GLIS1: variants seen among roughly 807,000 people sequenced by gnomAD.
The protein encoded by GLIS1 is zinc finger protein GLIS1.
Under a neutral mutation model 63.8 loss-of-function variants are expected in GLIS1, and 24 were observed. The observed-to-expected ratio is 0.38, with a 90% CI of 0.27 to 0.53. The LOEUF (loss-of-function observed/expected upper bound fraction) is 0.53. Among genes scored for constraint, GLIS1 ranks in the 20% least tolerant of loss-of-function variants. GLIS1 has a pLI of 0.85. For missense variants in GLIS1, 1,036 were observed against 1,074.1 expected, an observed-to-expected ratio of 0.96 and a Z score of 0.50; for synonymous variants, 450 against 482.5, an observed-to-expected ratio of 0.93 and a Z score of 0.88.
At chr1:53,608,393 T>G (rs1303112353) in intron 2 of GLIS1, among the ~76,000 whole-genome samples, 2 of 152,232 alleles carry the variant, frequency 1.3e-5, no homozygotes, top group Non-Finnish European at 2.9e-5. Flanking sequence ...GGTTTCAACA[T>G]ATGAATTTGA....
Position 53,511,791 on chromosome 1 carries a change from G to T in GLIS1, c.1884-1764C>A, listed in dbSNP as rs1644300736. Among the ~76,000 whole-genome samples, 1 of 152,160 alleles carries T rather than the reference G, an allele frequency of 6.6e-6. No homozygotes were observed. The highest frequency in any genetic ancestry group is 1.5e-5 in the Non-Finnish European group (1 of 68,026). ...CTGAAGCTGGGCTGGGGCCTGGCCG[G>T]AGAGTGGCTCCTCCTTCCTGCAGGC... On this transcript the variant is annotated intron_variant, in intron 8 of 10. Transcript: ENST00000628545. This position sits in a 1 kb window ranked among gnomAD's most constrained non-coding sequence, Gnocchi z 4.2.
At chr1:53,590,969 G>A (rs376769563) in intron 4 of GLIS1, among the ~76,000 whole-genome samples, 4 of 152,210 alleles carry the variant, frequency 2.6e-5, no homozygotes, top group African/African-American at 9.6e-5. Flanking sequence ...TGCGAGAATG[G>A]GAGTGTTCCA....
chr1:53,525,491 G>A, intron 5 of GLIS1, among the ~76,000 whole-genome samples: 1 of 40,740 alleles, frequency 2.5e-5, no homozygotes, highest in East Asian at 7.9e-4. Flanking sequence ...AGTCTGGCGG[G>A]GCTGGGGGCT....
At chr1:53,655,485 T>C (rs930867216) in intron 2 of GLIS1, among the ~76,000 whole-genome samples, 1 of 152,202 alleles carries the variant, frequency 6.6e-6, no homozygotes, top group Non-Finnish European at 1.5e-5. Context: ...AAAAACCACA[T>C]ATCTCATACA....
At chr1:53,600,040 T>C in intron 3 of GLIS1, 61 bp downstream of exon 3, 1 of 966,200 alleles carries the variant, frequency 1.0e-6, no homozygotes, top group Non-Finnish European at 1.3e-6. Flanking sequence ...AGGTGAGGCC[T>C]GAGGCCCATG....
chr1:53,644,128 A>G (rs1297923043), intron 2 of GLIS1, among the ~76,000 whole-genome samples: 1 of 152,212 alleles, frequency 6.6e-6, no homozygotes, highest in Non-Finnish European at 1.5e-5. Context: ...ATTTAGGGTC[A>G]GCTGATTTGC....
At chr1:53,674,552 GA>G (rs752644505) in intron 2 of GLIS1, among the ~76,000 whole-genome samples, 89 of 152,332 alleles carry the variant, frequency 5.8e-4, no homozygotes, top group Admixed American at 5.2e-4. Flanking sequence ...GCAGGCATGT[GA>G]GCTCTTGTTG....
chr1:53,524,349 A>G (rs925803587), intron 6 of GLIS1, among the ~76,000 whole-genome samples: 1 of 152,212 alleles, frequency 6.6e-6, no homozygotes, highest in Non-Finnish European at 1.5e-5. Context: ...TTCTCTGCAC[A>G]TCTCTCTCGC....
At chr1:53,635,383 A>G (rs1359990722) in intron 2 of GLIS1, among the ~76,000 whole-genome samples, 1 of 152,250 alleles carries the variant, frequency 6.6e-6, no homozygotes, top group African/African-American at 2.4e-5. Flanking sequence ...AACATAACGG[A>G]AATTTAAAAT....
chr1:53,597,102 C>G (rs1569889939), intron 3 of GLIS1, among the ~76,000 whole-genome samples: 1 of 145,500 alleles, frequency 6.9e-6, no homozygotes, highest in African/African-American at 2.6e-5. Context: ...CTCAGTTTCC[C>G]CACTCAACGG....
At chr1:53,695,106 A>C (rs1489915125) in intron 2 of GLIS1, among the ~76,000 whole-genome samples, 1 of 149,614 alleles carries the variant, frequency 6.7e-6, no homozygotes, top group Non-Finnish European at 1.5e-5. Context: ...TGTGTGTGTA[A>C]CGAAGCCCTG....
At chr1:53,637,027 T>C (rs1645733241) in intron 2 of GLIS1, among the ~76,000 whole-genome samples, 1 of 152,232 alleles carries the variant, frequency 6.6e-6, no homozygotes, top group South Asian at 2.1e-4. Context: ...TGACTGGACA[T>C]GGGAGCTACA....
At chr1:53,711,201 G>A (rs1363662680) in intron 2 of GLIS1, among the ~76,000 whole-genome samples, 1 of 152,096 alleles carries the variant, frequency 6.6e-6, no homozygotes, top group Non-Finnish European at 1.5e-5. Flanking sequence ...CAGAGATGAG[G>A]AAACTAAGGA....
intron 2 of GLIS1, among the ~76,000 whole-genome samples, chr1:53,601,056 C>T (rs1045108252): frequency 2.3e-5 from 1 of 43,284 alleles, no homozygotes; most frequent in Non-Finnish European, 5.9e-4. Context: ...GAGGGATATA[C>T]ACCTCCAAAC....
intron 2 of GLIS1, among the ~76,000 whole-genome samples, chr1:53,627,304 C>A (rs952539392): frequency 6.6e-6 from 1 of 152,146 alleles, no homozygotes; most frequent in Non-Finnish European, 1.5e-5. Flanking sequence ...CAGTAATTAT[C>A]CCCCTCTCCT....
intron 4 of GLIS1, among the ~76,000 whole-genome samples, chr1:53,541,703 C>G (rs1644644815): frequency 6.6e-6 from 1 of 152,234 alleles, no homozygotes; most frequent in South Asian, 2.1e-4. Flanking sequence ...TGGGAACAGA[C>G]AGAGGCAAAC....
intron 7 of GLIS1, among the ~76,000 whole-genome samples, chr1:53,515,254 G>A (rs544346433): frequency 6.6e-6 from 1 of 152,128 alleles, no homozygotes; most frequent in Non-Finnish European, 1.5e-5. Flanking sequence ...AGAGTAGACA[G>A]CAGCCCAGGG....
intron 2 of GLIS1, among the ~76,000 whole-genome samples, chr1:53,668,885 G>A (rs923118812): frequency 6.6e-6 from 1 of 152,160 alleles, no homozygotes; most frequent in Non-Finnish European, 1.5e-5. Context: ...ACTCTGTATG[G>A]TGAGGGTTGG....
intron 2 of GLIS1, among the ~76,000 whole-genome samples, chr1:53,615,162 A>G (rs181342866): frequency 3.0e-4 from 46 of 152,200 alleles, no homozygotes; most frequent in Admixed American, 1.2e-3. Flanking sequence ...CACCTCTAGT[A>G]ATTTGACGGC....
Sources: gnomAD v4.1 joint callset for allele counts (sites outside exome capture counted in the v4.1 genomes callset) on GRCh38, gnomAD v4.1.1 for gene constraint, Gnocchi (gnomAD v3.1) non-coding constraint, MANE v1.5 for transcripts, NCBI Gene and HGNC (gene_info 2026-07-23, HGNC 2026-07-21) for gene names.